Variants in DSCAML1 observed in about 807,000 individuals in gnomAD.
DSCAML1 encodes the protein cell adhesion molecule DSCAML1.
In DSCAML1, 38 loss-of-function variants were observed where a neutral mutation model predicts 200.5. The observed-to-expected ratio is 0.19, with a 90% CI of 0.15 to 0.25. The LOEUF is 0.25. Among genes scored for constraint, DSCAML1 ranks in the 10% least tolerant of loss-of-function variants. DSCAML1 has a pLI of 1.00. For missense variants in DSCAML1, 2,223 were observed against 2,858.8 expected (o/e 0.78, Z 5.07); for synonymous variants, 1,215 against 1,165.0 (o/e 1.04, Z -0.87).
chr11:117,636,880 G>A (rs1443344212), intron 3 of DSCAML1, among the ~76,000 whole-genome samples: 3 of 152,158 alleles, frequency 2.0e-5, no homozygotes, highest in Non-Finnish European at 4.4e-5. Flanking sequence ...ATAAATGGGA[G>A]CTATTATTGT....
At chr11:117,488,819 C>T (rs1368168241) in intron 11 of DSCAML1, among the ~76,000 whole-genome samples, 1 of 152,214 alleles carries the variant, frequency 6.6e-6, no homozygotes, top group East Asian at 1.9e-4. Context: ...CTTACCATGT[C>T]CTGGCAGGAT....
chr11:117,629,176 C>T (rs2052117263), intron 3 of DSCAML1, among the ~76,000 whole-genome samples: 2 of 152,212 alleles, frequency 1.3e-5, no homozygotes, highest in Non-Finnish European at 2.9e-5. Flanking sequence ...AGAAGCTCTA[C>T]TTCAAGCATA....
rs80139209 is a variant in DSCAML1 at position 117,602,092 on chromosome 11, C to A, written c.512-69570G>T. 6.2e-3 allele frequency among the ~76,000 whole-genome samples: 938 copies of A among 152,394 alleles called. 10 individuals are homozygous for A. The highest frequency in any genetic ancestry group is 0.02 in the African/African-American group (848 of 41,598). ...TCTCCCGACTCTATCTCTGTTCCTA[C>A]CTCAGAATCAGCAGCCTCAGCTGGG... On this transcript the variant is annotated intron_variant, in intron 3 of 32. Coordinates refer to ENST00000651296, the MANE Select transcript of DSCAML1 (RefSeq NM_020693.4).
chr11:117,741,873 G>A (rs1425847342), intron 3 of DSCAML1, among the ~76,000 whole-genome samples: 1 of 152,184 alleles, frequency 6.6e-6, no homozygotes, highest in Non-Finnish European at 1.5e-5. Context: ...CAAAGTCCAA[G>A]TTGGCTTAGT....
At chr11:117,651,444 G>A (rs1042338278) in intron 3 of DSCAML1, among the ~76,000 whole-genome samples, 4 of 152,068 alleles carry the variant, frequency 2.6e-5, no homozygotes, top group East Asian at 1.9e-4. Context: ...GGTGGCTCAC[G>A]CCTGTAATCC....
intron 3 of DSCAML1, among the ~76,000 whole-genome samples, chr11:117,620,959 A>G (rs2051915681): frequency 6.6e-6 from 1 of 152,266 alleles, no homozygotes; most frequent in South Asian, 2.1e-4. Flanking sequence ...CATACATAGT[A>G]GATACTTAAT....
At chr11:117,691,480 A>T (rs764994712) in intron 3 of DSCAML1, among the ~76,000 whole-genome samples, 14 of 152,186 alleles carry the variant, frequency 9.2e-5, no homozygotes, top group Non-Finnish European at 1.5e-4. Context: ...AAATGTTAAC[A>T]TTGGAGGACC....
At chr11:117,580,274 C>T (rs2051016621) in intron 3 of DSCAML1, among the ~76,000 whole-genome samples, 2 of 152,198 alleles carry the variant, frequency 1.3e-5, no homozygotes, top group African/African-American at 4.8e-5. Context: ...CTTCTTTGCA[C>T]ATGGTGAGGA....
chr11:117,656,990 T>C (rs889600384), intron 3 of DSCAML1, among the ~76,000 whole-genome samples: 1 of 152,178 alleles, frequency 6.6e-6, no homozygotes, highest in African/African-American at 2.4e-5. Context: ...GGAGCTTACA[T>C]GTTGAGTTAT....
chr11:117,601,190 C>CTA (rs2137508344), intron 3 of DSCAML1, among the ~76,000 whole-genome samples: 1 of 122,864 alleles, frequency 8.1e-6, no homozygotes, highest in Non-Finnish European at 1.6e-5. Flanking sequence ...TCCAAATAAA[C>CTA]TACAGTGAGC....
intron 3 of DSCAML1, among the ~76,000 whole-genome samples, chr11:117,551,073 G>C (rs1565783051): frequency 6.6e-6 from 1 of 152,116 alleles, no homozygotes; most frequent in Non-Finnish European, 1.5e-5. Flanking sequence ...CTCTTCTCAG[G>C]ATTCACCCTA....
intron 3 of DSCAML1, among the ~76,000 whole-genome samples, chr11:117,586,915 G>A (rs1370856699): frequency 6.6e-6 from 1 of 152,222 alleles, no homozygotes; most frequent in African/African-American, 2.4e-5. Flanking sequence ...GGCCAAGTTG[G>A]CTTTTCTGGA....
chr11:117,496,859 A>G (rs73008411), intron 11 of DSCAML1, among the ~76,000 whole-genome samples: 3,081 of 152,292 alleles, frequency 0.02, 73 homozygotes, highest in East Asian at 0.095. Flanking sequence ...GCGAGGATGG[A>G]GATTGTTCCA....
intron 1 of DSCAML1, among the ~76,000 whole-genome samples, chr11:117,803,066 G>A (rs914167965): frequency 6.9e-6 from 1 of 145,732 alleles, no homozygotes; most frequent in African/African-American, 2.6e-5. Context: ...GAACATTTTG[G>A]GGGGATCTGA....
chr11:117,464,039 A>G (rs1191392181), intron 17 of DSCAML1, among the ~76,000 whole-genome samples: 1 of 152,158 alleles, frequency 6.6e-6, no homozygotes, highest in Non-Finnish European at 1.5e-5. Context: ...GCTTCCTCTA[A>G]AGGAATAGCT....
intron 3 of DSCAML1, among the ~76,000 whole-genome samples, chr11:117,597,567 G>C (rs1375894662): frequency 2.0e-5 from 3 of 152,210 alleles, no homozygotes; most frequent in Non-Finnish European, 4.4e-5. Context: ...TCCTACCTCA[G>C]CCTCCTGAGT....
At chr11:117,648,663 T>TGCAGA (rs1235077817) in intron 3 of DSCAML1, among the ~76,000 whole-genome samples, 1 of 152,182 alleles carries the variant, frequency 6.6e-6, no homozygotes, top group African/African-American at 2.4e-5. Context: ...CCCTTGGTTG[T>TGCAGA]GCAGAGTTGG....
chr11:117,804,973 C>T (rs778919867), intron 1 of DSCAML1, among the ~76,000 whole-genome samples: 14 of 152,194 alleles, frequency 9.2e-5, no homozygotes, highest in Middle Eastern at 3.4e-3. Context: ...CTCATGAATC[C>T]GGATGAGGTC....
At chr11:117,661,629 C>G (rs1324198276) in intron 3 of DSCAML1, among the ~76,000 whole-genome samples, 2 of 152,178 alleles carry the variant, frequency 1.3e-5, no homozygotes, top group South Asian at 4.1e-4. Context: ...CCACCTGGTC[C>G]TCCTAGGTCT....
Sources: gnomAD v4.1 joint callset for allele counts (sites outside exome capture counted in the v4.1 genomes callset) on GRCh38, gnomAD v4.1.1 for gene constraint, MANE v1.5 for transcripts, NCBI Gene and HGNC (gene_info 2026-07-23, HGNC 2026-07-21) for gene names.